ULK4: variants seen among roughly 807,000 people sequenced by gnomAD.
The protein encoded by ULK4 is inactive serine/threonine-protein kinase ULK4.
Under a neutral mutation model 160.6 loss-of-function variants are expected in ULK4, and 133 were observed. The observed-to-expected ratio is 0.83, with a 90% CI of 0.72 to 0.96. The LOEUF is 0.96. Ranked by LOEUF, ULK4 falls within the 40% of genes least tolerant of loss-of-function variation. The probability of loss-of-function intolerance (pLI) is 0.00; values close to 1 mark genes in which losing one functional copy is unlikely to be tolerated. For missense variants in ULK4, 1,580 were observed against 1,499.5 expected, an observed-to-expected ratio of 1.05 and a Z score of -0.89; for synonymous variants, 534 against 539.8, an observed-to-expected ratio of 0.99 and a Z score of 0.15.
At chr3:41,249,396 T>C in intron 36 of ULK4, 93 bp downstream of exon 36, 1 of 1,167,376 alleles carries the variant, frequency 8.6e-7, no homozygotes, top group Non-Finnish European at 1.2e-6. Context: ...GTCCCTGGTG[T>C]GGAGGGAGAT....
intron 30 of ULK4, among the ~76,000 whole-genome samples, chr3:41,618,462 C>T (rs773349352): frequency 6.6e-6 from 1 of 152,142 alleles, no homozygotes; most frequent in African/African-American, 2.4e-5. Flanking sequence ...AGCGTGGGGG[C>T]CAACATTCAA....
intron 32 of ULK4, among the ~76,000 whole-genome samples, chr3:41,530,310 A>G (rs779717463): frequency 5.9e-5 from 9 of 152,210 alleles, no homozygotes; most frequent in Non-Finnish European, 1.2e-4. Context: ...ATTAGAACAC[A>G]TTCAAAAAGA....
intron 27 of ULK4, among the ~76,000 whole-genome samples, chr3:41,703,054 A>C (rs1476951094): frequency 6.6e-6 from 1 of 151,916 alleles, no homozygotes; most frequent in Non-Finnish European, 1.5e-5. Flanking sequence ...GGGTTTCACC[A>C]TGTTGGCCAG....
chr3:41,626,456 C>T (rs1445105976), intron 30 of ULK4, among the ~76,000 whole-genome samples: 1 of 151,328 alleles, frequency 6.6e-6, no homozygotes, highest in East Asian at 1.9e-4. Flanking sequence ...ACGAAATGTG[C>T]TGTGATTATT....
At chr3:41,359,386 C>A (rs1000831964) in intron 35 of ULK4, among the ~76,000 whole-genome samples, 14 of 152,210 alleles carry the variant, frequency 9.2e-5, no homozygotes, top group Non-Finnish European at 2.9e-5. Context: ...AGAGGAGTAG[C>A]AGTCTTAGGA....
In ULK4 at chr3:41,800,132, C is replaced by T. The variant is rs775685400; in HGVS notation, c.2010G>A (p.Ser670=). 5.7e-6 allele frequency: 9 copies of T among 1,590,656 alleles called. No homozygotes were observed. The highest frequency in any genetic ancestry group is 4.5e-5 in the East Asian group (2 of 44,230). ...TCCCCCAAAAGATGCTTCATCTTAC[C>T]GATACTGCTGTTATCCTAAGAGAAT... The part of the protein sequence containing the change: ...TADSLRITAV[S]ALCRITRHSP... Residue 670 remains serine (S), a splice_region_variant and synonymous_variant, in exon 20 of 37, where the codon TCG becomes TCA. Transcript: ENST00000301831.
chr3:41,496,348 G>T (rs187313956), intron 32 of ULK4, among the ~76,000 whole-genome samples: 22 of 152,090 alleles, frequency 1.4e-4, no homozygotes, highest in African/African-American at 5.1e-4. Context: ...AAATATATCA[G>T]GCAACTGTTT....
intron 22 of ULK4, among the ~76,000 whole-genome samples, chr3:41,735,877 T>A (rs1195603472): frequency 2.5e-4 from 29 of 116,256 alleles, no homozygotes; most frequent in Non-Finnish European, 4.1e-4. Flanking sequence ...GAGTGTGATG[T>A]TCCCCTTCCT....
intron 32 of ULK4, among the ~76,000 whole-genome samples, chr3:41,535,497 G>A (rs1335379767): frequency 6.6e-6 from 1 of 152,144 alleles, no homozygotes; most frequent in African/African-American, 2.4e-5. Flanking sequence ...AAATAGTACT[G>A]TATGTTTGAA....
At chr3:41,662,908 AAAAAT>A (rs2035227707) in intron 30 of ULK4, among the ~76,000 whole-genome samples, 1 of 151,902 alleles carries the variant, frequency 6.6e-6, no homozygotes, top group Admixed American at 6.6e-5. Context: ...TCTACCACTT[AAAAAT>A]AAAAAATAAA....
chr3:41,948,451 C>CA (rs1367581947), intron 2 of ULK4, among the ~76,000 whole-genome samples: 7 of 150,830 alleles, frequency 4.6e-5, no homozygotes, highest in East Asian at 3.9e-4. Flanking sequence ...GACTCTGTCT[C>CA]AAAAAAAAGA....
intron 2 of ULK4, among the ~76,000 whole-genome samples, chr3:41,951,315 C>G (rs2148841690): frequency 6.6e-6 from 1 of 151,530 alleles, no homozygotes; most frequent in East Asian, 1.9e-4. Context: ...ATCCCAACAA[C>G]TATTTTTGTG....
intron 22 of ULK4, among the ~76,000 whole-genome samples, chr3:41,727,030 A>C (rs1371523319): frequency 6.6e-6 from 1 of 151,946 alleles, no homozygotes; most frequent in African/African-American, 2.4e-5. Context: ...ATTTCTCTCC[A>C]TTTATCTCTC....
intron 18 of ULK4, among the ~76,000 whole-genome samples, chr3:41,824,413 T>C (rs898454827): frequency 2.6e-5 from 4 of 152,072 alleles, no homozygotes; most frequent in Non-Finnish European, 4.4e-5. Context: ...TTCCCTTCCC[T>C]AGTCAAAGAA....
intron 32 of ULK4, among the ~76,000 whole-genome samples, chr3:41,541,647 T>C (rs1192626920): frequency 6.6e-6 from 1 of 152,222 alleles, no homozygotes; most frequent in African/African-American, 2.4e-5. Context: ...ATATTGATTC[T>C]TCCTATCCAT....
chr3:41,547,763 T>C (rs1424066825), intron 32 of ULK4, among the ~76,000 whole-genome samples: 1 of 152,176 alleles, frequency 6.6e-6, no homozygotes, highest in African/African-American at 2.4e-5. Context: ...TCCCTCAGTA[T>C]CCATCCAGAG....
chr3:41,897,218 A>T (rs1052098523), intron 14 of ULK4, among the ~76,000 whole-genome samples: 1 of 152,206 alleles, frequency 6.6e-6, no homozygotes, highest in African/African-American at 2.4e-5. Flanking sequence ...AACCACTTCA[A>T]TGGAAAACTA....
chr3:41,627,630 C>T (rs1338566787), intron 30 of ULK4, among the ~76,000 whole-genome samples: 1 of 152,226 alleles, frequency 6.6e-6, no homozygotes, highest in Non-Finnish European at 1.5e-5. Context: ...TTATGATTAA[C>T]ATTACTGAGC....
chr3:41,531,998 C>G (rs1427392469), intron 32 of ULK4, among the ~76,000 whole-genome samples: 1 of 152,176 alleles, frequency 6.6e-6, no homozygotes, highest in African/African-American at 2.4e-5. Context: ...AGGCACTCCC[C>G]TGAATCTGCT....
Sources: gnomAD v4.1 joint callset for allele counts (sites outside exome capture counted in the v4.1 genomes callset) on GRCh38, gnomAD v4.1.1 for gene constraint, MANE v1.5 for transcripts, NCBI Gene and HGNC (gene_info 2026-07-23, HGNC 2026-07-21) for gene names.